Variants in SKI observed in about 807,000 individuals in gnomAD.
SKI encodes ski oncogene.
A neutral mutation model predicts 59.3 loss-of-function variants in SKI; 23 were observed. The observed-to-expected ratio is 0.39, with a 90% CI of 0.28 to 0.55. The LOEUF is 0.55. SKI is among the 20% of genes least tolerant of loss of function. The pLI, the probability that SKI is intolerant of heterozygous loss-of-function variation, is 0.67. For synonymous variants in SKI, 673 were observed against 488.6 expected (o/e 1.38, Z -4.98); for missense variants, 1,017 against 1,038.9 (o/e 0.98, Z 0.29).
chr1:2,282,075 G>A (rs1265702815), intron 1 of SKI, among the ~76,000 whole-genome samples: 1 of 51,964 alleles, frequency 1.9e-5, no homozygotes, highest in Non-Finnish European at 4.1e-5. Flanking sequence ...GAGAGAGGAC[G>A]CCCGAGAAGA....
At chr1:2,305,192 C>T (rs893594897) in intron 5 of SKI, among the ~76,000 whole-genome samples, 3 of 152,236 alleles carry the variant, frequency 2.0e-5, no homozygotes, top group Non-Finnish European at 4.4e-5. Flanking sequence ...ACGGTTCTCA[C>T]GCTGCAGCTC....
chr1:2,254,223 G>A (rs145254384), intron 1 of SKI, among the ~76,000 whole-genome samples: 33 of 152,328 alleles, frequency 2.2e-4, no homozygotes, highest in African/African-American at 6.0e-4. Context: ...GAAGGTCCAC[G>A]CTAGAGGAGG....
rs1280160699 is a variant in SKI at position 2,228,971 on chromosome 1, G to A, written c.205G>A (p.Glu69Lys). The change falls in exon 1 of 7, where the codon GAG (glutamate) becomes AAG (lysine). Residue 69 changes from glutamate to lysine, a missense_variant. Glu to Lys is a moderately conservative substitution (Grantham distance 56). Transcript: ENST00000378536. The stretch of plus-strand genomic sequence containing the variant: ...GCCGGCGCCGGTGCCCGCAGCCACC[G>A]AGCCGCCGCCCGTGCTGCACCTGCC... The part of the protein sequence containing the change: ...AVPAPVPAAT[E>K]PPPVLHLPAI... 2.1e-6 allele frequency: 3 copies of A among 1,446,440 alleles called. No homozygotes were observed. The highest frequency in any genetic ancestry group is 2.7e-6 in the Non-Finnish European group (3 of 1,102,916). 89.6% of individuals were successfully genotyped at this position (1,446,440 alleles called of 1,614,324 possible). A position where few individuals can be genotyped will look rare whatever the true frequency, so the allele number is the denominator to read the frequency against.
At chr1:2,242,471 G>A (rs1219909607) in intron 1 of SKI, among the ~76,000 whole-genome samples, 2 of 152,154 alleles carry the variant, frequency 1.3e-5, no homozygotes, top group East Asian at 1.9e-4. Flanking sequence ...GCAGGGGAGT[G>A]GGTGTCCCTG....
chr1:2,260,535 C>CTTTTTTTTTTTTTTTTTTTTT lies in SKI; in HGVS notation c.969+30803_969+30823dup, dbSNP rs3065260. Among the ~76,000 whole-genome samples, 35 of 67,820 alleles carry CTTTTTTTTTTTTTTTTTTTTT rather than the reference C, an allele frequency of 5.2e-4. 5 individuals are homozygous for CTTTTTTTTTTTTTTTTTTTTT. Among genetic ancestry groups the CTTTTTTTTTTTTTTTTTTTTT allele is most frequent in the African/African-American group, 1.5e-3 (25 of 16,142 alleles). 44.5% of individuals were successfully genotyped at this position (67,820 alleles called of 152,430 possible). ...TCCAATTTTTCAGTTTGTTCTTTTT[C>CTTTTTTTTTTTTTTTTTTTTT]TTTTTTTTTTTTTTTTTTTTTTTGA... is the stretch of plus-strand genomic sequence containing the variant. On this transcript the variant is annotated intron_variant, in intron 1 of 6. Coordinates refer to ENST00000378536, the MANE Select transcript of SKI (RefSeq NM_003036.4).
chr1:2,302,906 C>CA (rs1046922166), intron 1 of SKI, 72 bp from the exon 2 acceptor site: 101 of 1,605,960 alleles, frequency 6.3e-5, no homozygotes, highest in Non-Finnish European at 8.4e-5. Context: ...TGCCATGTGC[C>CA]AGCCACGGGG....
At position 2,306,509 on chromosome 1, in the gene SKI, G is replaced by A. The variant is rs1464265781; in HGVS notation, c.1999-68G>A. 13 of 1,466,444 alleles carry A rather than the reference G, an allele frequency of 8.9e-6. No individual in the cohort carries two copies. In the South Asian group the frequency reaches 1.1e-4, roughly 12 times the overall value. 90.8% of individuals were successfully genotyped at this position (1,466,444 alleles called of 1,614,324 possible). On this transcript the variant is annotated intron_variant, in intron 6 of 6. Transcript: ENST00000378536. ...AGGGAGCGGCGCAGGAGCCTCGGGTGGGGGAAGCAGCGTCGGGCCGGGGCA... is the reference window on the plus strand; with the variant it reads ...AGGGAGCGGCGCAGGAGCCTCGGGTAGGGGAAGCAGCGTCGGGCCGGGGCA...
chr1:2,232,243 C>T (rs1029058646), intron 1 of SKI, among the ~76,000 whole-genome samples: 1 of 152,274 alleles, frequency 6.6e-6, no homozygotes. Context: ...TGTACTGGAA[C>T]TCTCTTTGCA....
At position 2,307,075 on chromosome 1, in the gene SKI, A is replaced by G. The variant is rs1480244898; in HGVS notation, c.*310A>G. On this transcript the variant is annotated 3_prime_UTR_variant, in exon 7 of 7. Coordinates refer to ENST00000378536, the MANE Select transcript of SKI (RefSeq NM_003036.4). ...CTTTTGTTATAAGCTATTTAAAACCAGTAAGGAGACTTGAAATTCAGAAAA... is the reference window on the plus strand; with the variant it reads ...CTTTTGTTATAAGCTATTTAAAACCGGTAAGGAGACTTGAAATTCAGAAAA... The G allele has an allele frequency of 1.0e-5, 2 of 197,816 alleles. No homozygotes were observed. The highest frequency in any genetic ancestry group is 2.3e-5 in the African/African-American group (1 of 42,570). The allele number at this position is 197,816 out of a possible 1,614,324, so 12.3% of individuals were successfully genotyped here.
rs897456906 is a variant in SKI at position 2,240,637 on chromosome 1, C to T, written c.969+10902C>T. The T allele has an allele frequency of 5.1e-6, 5 of 985,330 alleles. No individual in the cohort carries two copies. The Admixed American group carries it at 2.5e-4, about 48-fold the overall frequency. 61.0% of individuals were successfully genotyped at this position (985,330 alleles called of 1,614,324 possible). A position where few individuals can be genotyped will look rare whatever the true frequency, so the allele number is the denominator to read the frequency against. On this transcript the variant is annotated intron_variant, in intron 1 of 6. Transcript: ENST00000378536. ...TCTTTAGCCCGAAGTAACCATACAG[C>T]ATTAACAAGAAAACTTGGAATTCTT...
intron 1 of SKI, among the ~76,000 whole-genome samples, chr1:2,234,765 C>T (rs1193721199): frequency 6.6e-6 from 1 of 152,226 alleles, no homozygotes; most frequent in South Asian, 2.1e-4. Context: ...CAAGCTTCAA[C>T]TGAAATGTTT....
chr1:2,280,135 C>T (rs984887731), intron 1 of SKI, among the ~76,000 whole-genome samples: 14 of 151,550 alleles, frequency 9.2e-5, no homozygotes, highest in African/African-American at 2.2e-4. Context: ...TTTGGGAGGC[C>T]GAGGCGGGTG....
At chr1:2,279,789 A>G (rs565043158) in intron 1 of SKI, among the ~76,000 whole-genome samples, 3 of 152,254 alleles carry the variant, frequency 2.0e-5, no homozygotes, top group South Asian at 4.1e-4. Context: ...ATTGGCCTCA[A>G]GCGATTCTCC....
intron 1 of SKI, among the ~76,000 whole-genome samples, chr1:2,299,255 G>C (rs1010130383): frequency 5.4e-5 from 1 of 18,352 alleles, no homozygotes; most frequent in Non-Finnish European, 8.0e-5. Flanking sequence ...CCTCGGGGAG[G>C]GGGGGGGCCA....
intron 1 of SKI, among the ~76,000 whole-genome samples, chr1:2,233,901 G>A (rs536257140): frequency 6.6e-6 from 1 of 152,358 alleles, no homozygotes; most frequent in South Asian, 2.1e-4. Context: ...GTGTGGGTTT[G>A]GGGCTGTGCT....
intron 1 of SKI, among the ~76,000 whole-genome samples, chr1:2,234,327 G>T (rs1469685808): frequency 1.3e-5 from 2 of 152,176 alleles, no homozygotes; most frequent in Non-Finnish European, 2.9e-5. Context: ...TCATCCGTCT[G>T]TCTGGGACCC....
intron 1 of SKI, among the ~76,000 whole-genome samples, chr1:2,284,389 C>T (rs545090762): frequency 5.3e-5 from 8 of 152,318 alleles, no homozygotes; most frequent in Admixed American, 1.3e-4. Context: ...ACAGTAGAGG[C>T]GGAGCTGCCC....
intron 1 of SKI, among the ~76,000 whole-genome samples, chr1:2,279,624 A>AGGGGGGAGTCGGCTT: frequency 6.7e-6 from 1 of 150,046 alleles, no homozygotes; most frequent in Non-Finnish European, 1.5e-5. Flanking sequence ...GGAGGGCTGA[A>AGGGGGGAGTCGGCTT]GGGGGGAGTC....
chr1:2,309,426 A>T lies in SKI; in HGVS notation c.*2661A>T, dbSNP rs928904622. 2 of 152,288 alleles carry T rather than the reference A, an allele frequency of 1.3e-5. No individual in the cohort carries two copies. Among genetic ancestry groups the T allele is most frequent in the African/African-American group, 4.8e-5 (2 of 41,528 alleles). The allele number at this position is 152,288 out of a possible 1,614,324, so 9.4% of individuals were successfully genotyped here. A position where few individuals can be genotyped will look rare whatever the true frequency, so the allele number is the denominator to read the frequency against. The stretch of plus-strand genomic sequence containing the variant: ...ACGTAATGTCTGCTTTTCGTACAGA[A>T]CTAGCCAATGTAAAAACAGTTCACC... On this transcript the variant is annotated 3_prime_UTR_variant, in exon 7 of 7. Transcript: ENST00000378536.
Sources: allele counts gnomAD v4.1 joint callset (sites outside exome capture counted in the v4.1 genomes callset), GRCh38; gene constraint gnomAD v4.1.1; transcripts MANE v1.5; gene names NCBI Gene and HGNC (gene_info 2026-07-23, HGNC 2026-07-21).